EPB41L2: variants seen among roughly 807,000 people sequenced by gnomAD.
The protein encoded by EPB41L2 is band 4.1-like protein 2.
A neutral mutation model predicts 113.0 loss-of-function variants in EPB41L2; 43 were observed. The ratio of observed to expected loss-of-function variants is 0.38; its 90% CI spans 0.30 to 0.49. EPB41L2 has a LOEUF of 0.49. Among genes scored for constraint, EPB41L2 ranks in the 20% least tolerant of loss-of-function variants. The probability of loss-of-function intolerance (pLI) is 0.95; values close to 1 mark genes in which losing one functional copy is unlikely to be tolerated. For synonymous variants in EPB41L2, 442 were observed against 436.7 expected, an observed-to-expected ratio of 1.01 and a Z score of -0.15; for missense variants, 1,147 against 1,223.4, an observed-to-expected ratio of 0.94 and a Z score of 0.93.
chr6:131,013,296 C>T (rs1012441906), intron 1 of EPB41L2, among the ~76,000 whole-genome samples: 5 of 151,712 alleles, frequency 3.3e-5, no homozygotes, highest in Non-Finnish European at 4.4e-5. Flanking sequence ...GCCTAAGATG[C>T]CAAAATTTAC....
intron 1 of EPB41L2, among the ~76,000 whole-genome samples, chr6:131,024,313 C>T (rs1790329039): frequency 6.6e-6 from 1 of 152,072 alleles, no homozygotes; most frequent in Non-Finnish European, 1.5e-5. Flanking sequence ...TGATATCACT[C>T]GTGTGTTGGG....
rs183318853 is a variant in EPB41L2, at chr6:131,001,462, G to A, written c.-14-44963C>T. The stretch of plus-strand genomic sequence containing the variant: ...AGTTAAGTACAGCATTATAAGAAGC[G>A]CAGAGTGCTGCCAGAAAAAAAAGAA... On this transcript the variant is annotated intron_variant, in intron 1 of 19. Transcript: ENST00000337057. Among the ~76,000 whole-genome samples the A allele has an allele frequency of 4.2e-3, 647 of 152,246 alleles. 4 individuals are homozygous for A. The highest frequency in any genetic ancestry group is 6.7e-3 in the Non-Finnish European group (456 of 68,018).
At chr6:131,025,711 T>C (rs1313917269) in intron 1 of EPB41L2, among the ~76,000 whole-genome samples, 4 of 152,186 alleles carry the variant, frequency 2.6e-5, no homozygotes, top group Non-Finnish European at 4.4e-5. Flanking sequence ...TTGATCCCTG[T>C]CTTTGTTCCT....
At chr6:130,903,590 A>T (rs540773265) in intron 6 of EPB41L2, among the ~76,000 whole-genome samples, 2 of 152,236 alleles carry the variant, frequency 1.3e-5, no homozygotes, top group African/African-American at 2.4e-5. Flanking sequence ...AAGCCCCTCT[A>T]GTTTTCTAAA....
intron 1 of EPB41L2, among the ~76,000 whole-genome samples, chr6:131,053,547 G>GT (rs1387630244): frequency 6.6e-6 from 1 of 151,752 alleles, no homozygotes; most frequent in Non-Finnish European, 1.5e-5. Context: ...ACAGCCCTTC[G>GT]TATTTATTGG....
chr6:130,905,674 C>A (rs1466899816), intron 5 of EPB41L2, among the ~76,000 whole-genome samples: 2 of 152,144 alleles, frequency 1.3e-5, no homozygotes, highest in African/African-American at 4.8e-5. Context: ...CCGGCCTCAG[C>A]CTCTCAAAGT....
chr6:131,059,519 G>A (rs1288981418), intron 1 of EPB41L2, among the ~76,000 whole-genome samples: 2 of 146,942 alleles, frequency 1.4e-5, no homozygotes, highest in Non-Finnish European at 3.0e-5. Context: ...CACTGCCCAC[G>A]CAGAGAAATG....
chr6:130,946,311 AT>A (rs925065498), intron 3 of EPB41L2, among the ~76,000 whole-genome samples: 3 of 151,848 alleles, frequency 2.0e-5, no homozygotes, highest in Non-Finnish European at 4.4e-5. Context: ...TTTCCATAGT[AT>A]TTTTTTTAAC....
intron 5 of EPB41L2, among the ~76,000 whole-genome samples, chr6:130,905,950 A>G (rs553521992): frequency 6.6e-6 from 1 of 152,332 alleles, no homozygotes; most frequent in South Asian, 2.1e-4. Context: ...TCAACCAATG[A>G]AGTCAATCCT....
At chr6:130,866,820 T>C (rs1159959258) in intron 16 of EPB41L2, among the ~76,000 whole-genome samples, 1 of 152,226 alleles carries the variant, frequency 6.6e-6, no homozygotes, top group African/African-American at 2.4e-5. Flanking sequence ...TCCAAATCTT[T>C]ACAGAACCAA....
At chr6:130,877,897 T>A (rs1410665432) in intron 14 of EPB41L2, among the ~76,000 whole-genome samples, 1 of 152,126 alleles carries the variant, frequency 6.6e-6, no homozygotes, top group Non-Finnish European at 1.5e-5. Flanking sequence ...TTCAAAAGTA[T>A]TTTGAAACTC....
intron 1 of EPB41L2, among the ~76,000 whole-genome samples, chr6:131,006,519 A>T (rs1785567591): frequency 6.6e-6 from 1 of 151,516 alleles, no homozygotes; most frequent in South Asian, 2.1e-4. Flanking sequence ...CAAACAAAAA[A>T]TTTAGCCAAG....
intron 3 of EPB41L2, among the ~76,000 whole-genome samples, chr6:130,951,670 G>A (rs1815152522): frequency 6.6e-6 from 1 of 151,904 alleles, no homozygotes; most frequent in Non-Finnish European, 1.5e-5. Flanking sequence ...TTTTGCACCA[G>A]CCTAATATAA....
At chr6:131,039,722 A>G (rs1794065406) in intron 1 of EPB41L2, among the ~76,000 whole-genome samples, 2 of 152,172 alleles carry the variant, frequency 1.3e-5, no homozygotes, top group Admixed American at 1.3e-4. Context: ...AGCCAGTTTG[A>G]AGAGGATGGC....
At chr6:131,003,857 G>A (rs1440011362) in intron 1 of EPB41L2, among the ~76,000 whole-genome samples, 1 of 152,170 alleles carries the variant, frequency 6.6e-6, no homozygotes, top group East Asian at 1.9e-4. Flanking sequence ...TGGAGGTGAT[G>A]TCATTACCAG....
chr6:131,062,694 G>C (rs1217100579), intron 1 of EPB41L2: 1 of 151,770 alleles, frequency 6.6e-6, no homozygotes, highest in African/African-American at 2.4e-5. Flanking sequence ...CCCCCTCCCC[G>C]CGGGGGGGAT....
In EPB41L2 at chr6:130,955,152, A is replaced by G. The variant is rs750861794; in HGVS notation, c.658T>C (p.Cys220Arg). ...KVTKKTKTVQ[C>R]KVTLLDGTEY... is the part of the protein sequence containing the mutation. ...GTGCCATCTAAGAGGGTCACTTTACACTGGACAGTTTTGGTCTTCTTGGTG... is the reference window on the plus strand; with the variant it reads ...GTGCCATCTAAGAGGGTCACTTTACGCTGGACAGTTTTGGTCTTCTTGGTG... The change falls in exon 3 of 20, where the codon TGT becomes CGT. Residue 220 changes from cysteine (C) to arginine (R), a missense_variant. Transcript: ENST00000337057. 1.9e-6 allele frequency: 3 copies of G among 1,614,150 alleles called. No individual in the cohort carries two copies. The highest frequency in any genetic ancestry group is 2.5e-6 in the Non-Finnish European group (3 of 1,180,026).
intron 1 of EPB41L2, among the ~76,000 whole-genome samples, chr6:131,043,458 GTAC>G (rs1794823644): frequency 6.6e-6 from 1 of 152,080 alleles, no homozygotes; most frequent in South Asian, 2.1e-4. Flanking sequence ...GCCTCTGCAT[GTAC>G]TACCAATTCA....
At chr6:130,994,936 G>A (rs1166835244) in intron 1 of EPB41L2, among the ~76,000 whole-genome samples, 2 of 151,956 alleles carry the variant, frequency 1.3e-5, no homozygotes, top group African/African-American at 2.4e-5. Context: ...CCCCCTCCCC[G>A]CTGAGTTCTC....
Sources: gnomAD v4.1 joint callset for allele counts (sites outside exome capture counted in the v4.1 genomes callset) on GRCh38, gnomAD v4.1.1 for gene constraint, MANE v1.5 for transcripts, NCBI Gene and HGNC (gene_info 2026-07-23, HGNC 2026-07-21) for gene names.